Variants in BICC1 observed in about 807,000 individuals in gnomAD.
BICC1 encodes the protein protein bicaudal C homolog 1.
Under a neutral mutation model 111.0 loss-of-function variants are expected in BICC1, and 43 were observed. The observed-to-expected ratio is 0.39, with a 90% CI of 0.30 to 0.50. The LOEUF is 0.50. Among genes scored for constraint, BICC1 ranks in the 20% least tolerant of loss-of-function variants. The pLI is 0.88. For synonymous variants in BICC1, 467 were observed against 434.4 expected (o/e 1.07, Z -0.93); for missense variants, 1,091 against 1,203.2 (o/e 0.91, Z 1.38).
chr10:58,668,179 A>G (rs545288146), intron 2 of BICC1, among the ~76,000 whole-genome samples: 1 of 152,186 alleles, frequency 6.6e-6, no homozygotes, highest in Non-Finnish European at 1.5e-5. Context: ...AAGGAAAGGA[A>G]GTTTTACGTC....
In BICC1 at chr10:58,513,344, C is replaced by G. The variant is rs753892784; in HGVS notation, c.190+11C>G. On this transcript the variant is annotated intron_variant, in intron 1 of 20. Coordinates refer to ENST00000373886, the MANE Select transcript of BICC1 (RefSeq NM_001080512.3). ...AGGCCATGTTACAAGGTAGGCATCC[C>G]TCGTGTTCTCGGACTCTCCGACTGA... The G allele has an allele frequency of 6.3e-7, 1 of 1,598,062 alleles. No individual in the cohort carries two copies. Among genetic ancestry groups the G allele is most frequent in the East Asian group, 2.3e-5 (1 of 43,998 alleles).
chr10:58,825,785 G>A (rs928039909), intron 20 of BICC1, among the ~76,000 whole-genome samples: 3 of 152,126 alleles, frequency 2.0e-5, no homozygotes, highest in Non-Finnish European at 2.9e-5. Flanking sequence ...CACAGTTCTT[G>A]AGTATTTTTC....
At chr10:58,754,628 T>A (rs1842088784) in intron 3 of BICC1, among the ~76,000 whole-genome samples, 2 of 152,138 alleles carry the variant, frequency 1.3e-5, no homozygotes, top group African/African-American at 4.8e-5. Context: ...AGCAGGAGTG[T>A]CTCATCATTT....
chr10:58,638,871 C>T (rs113847191), intron 2 of BICC1, among the ~76,000 whole-genome samples: 1 of 1,332 alleles, frequency 7.5e-4, no homozygotes, highest in Non-Finnish European at 1.6e-3. Context: ...TTTTTCTCTT[C>T]TCTTTTTTCT....
At chr10:58,534,364 G>A (rs968390462) in intron 1 of BICC1, among the ~76,000 whole-genome samples, 3 of 151,616 alleles carry the variant, frequency 2.0e-5, no homozygotes, top group African/African-American at 7.3e-5. Context: ...AGCCTATACT[G>A]TGAACCAGAC....
chr10:58,706,207 A>T (rs1840382906), intron 3 of BICC1, among the ~76,000 whole-genome samples: 2 of 152,224 alleles, frequency 1.3e-5, no homozygotes, highest in African/African-American at 2.4e-5. Context: ...TCAAGGACTC[A>T]TTAAAATTTT....
chr10:58,672,321 CT>C (rs1406717521), intron 2 of BICC1, among the ~76,000 whole-genome samples: 1 of 152,076 alleles, frequency 6.6e-6, no homozygotes. Context: ...GAGTAAGTCT[CT>C]CAGTAGATTT....
At chr10:58,689,049 A>G (rs1839837881) in intron 2 of BICC1, among the ~76,000 whole-genome samples, 1 of 152,176 alleles carries the variant, frequency 6.6e-6, no homozygotes. Flanking sequence ...ACAACAAAAA[A>G]CAAGAAAACA....
chr10:58,622,263 C>G (rs993949482), intron 2 of BICC1, among the ~76,000 whole-genome samples: 3 of 152,126 alleles, frequency 2.0e-5, no homozygotes, highest in African/African-American at 4.8e-5. Context: ...AAAATAGATG[C>G]TGTCAGTGGA....
At chr10:58,775,183 G>A (rs909722445) in intron 3 of BICC1, among the ~76,000 whole-genome samples, 14 of 152,064 alleles carry the variant, frequency 9.2e-5, no homozygotes, top group Admixed American at 8.5e-4. Context: ...GACCAGCCTG[G>A]CCAACATGGA....
chr10:58,587,809 A>G (rs1431794859), intron 1 of BICC1, among the ~76,000 whole-genome samples: 2 of 152,222 alleles, frequency 1.3e-5, no homozygotes, highest in Admixed American at 6.5e-5. Flanking sequence ...TCAGTTACCC[A>G]TTAAGCTTAT....
chr10:58,553,999 A>G (rs531163951), intron 1 of BICC1, among the ~76,000 whole-genome samples: 49 of 152,274 alleles, frequency 3.2e-4, no homozygotes, highest in African/African-American at 1.1e-3. Flanking sequence ...GTTTCAATTT[A>G]TACTATTTGG....
intron 1 of BICC1, among the ~76,000 whole-genome samples, chr10:58,538,651 A>G (rs998173282): frequency 6.6e-6 from 1 of 151,922 alleles, no homozygotes; most frequent in African/African-American, 2.4e-5. Context: ...AAAAGAAATA[A>G]CCATTAAATA....
chr10:58,654,607 G>A (rs1436159025), intron 2 of BICC1, among the ~76,000 whole-genome samples: 1 of 88,250 alleles, frequency 1.1e-5, no homozygotes, highest in Non-Finnish European at 2.4e-5. Flanking sequence ...AGTAGGTTGC[G>A]ACAATTTTCT....
At chr10:58,682,270 A>G (rs908944729) in intron 2 of BICC1, among the ~76,000 whole-genome samples, 13 of 152,054 alleles carry the variant, frequency 8.5e-5, no homozygotes, top group Non-Finnish European at 1.8e-4. Context: ...TCTATCATTG[A>G]TGAACATTTG....
chr10:58,681,143 C>T (rs900953939), intron 2 of BICC1, among the ~76,000 whole-genome samples: 8 of 152,196 alleles, frequency 5.3e-5, no homozygotes, highest in Non-Finnish European at 1.2e-4. Context: ...ACACCAAAAG[C>T]AATGGCAACA....
intron 1 of BICC1, among the ~76,000 whole-genome samples, chr10:58,555,121 A>T (rs953714945): frequency 2.0e-5 from 3 of 151,986 alleles, no homozygotes; most frequent in African/African-American, 7.2e-5. Context: ...GAAATGGTTT[A>T]GATCTAGGAT....
chr10:58,618,614 C>T (rs1845698207), intron 1 of BICC1, among the ~76,000 whole-genome samples: 1 of 152,198 alleles, frequency 6.6e-6, no homozygotes, highest in African/African-American at 2.4e-5. Flanking sequence ...CACCCCCTCC[C>T]CTTGGTCTCC....
intron 3 of BICC1, among the ~76,000 whole-genome samples, chr10:58,781,615 T>C (rs2132767993): frequency 6.6e-6 from 1 of 152,326 alleles, no homozygotes; most frequent in East Asian, 1.9e-4. Flanking sequence ...GACTTTTTCC[T>C]CAATTTATGT....
Sources: gnomAD v4.1 joint callset for allele counts (sites outside exome capture counted in the v4.1 genomes callset) on GRCh38, gnomAD v4.1.1 for gene constraint, MANE v1.5 for transcripts, NCBI Gene and HGNC (gene_info 2026-07-23, HGNC 2026-07-21) for gene names.